Variants in PRPSAP2 observed in about 807,000 individuals in gnomAD.
PRPSAP2 encodes the protein phosphoribosyl pyrophosphate synthase-associated protein 2.
Under a neutral mutation model 40.6 loss-of-function variants are expected in PRPSAP2, and 24 were observed. That is an observed-to-expected ratio of 0.59 (90% CI 0.43 to 0.83). The LOEUF (loss-of-function observed/expected upper bound fraction) is 0.83, where lower values mean the gene tolerates loss of function less well. Among genes scored for constraint, PRPSAP2 ranks in the 40% least tolerant of loss-of-function variants. PRPSAP2 has a pLI of 0.00. For missense variants in PRPSAP2, 292 were observed against 465.6 expected (o/e 0.63, Z 3.43); for synonymous variants, 149 against 164.7 (o/e 0.90, Z 0.73).
chr17:18,896,236 A>G (rs2151932856), intron 8 of PRPSAP2, among the ~76,000 whole-genome samples: 1 of 152,192 alleles, frequency 6.6e-6, no homozygotes, highest in East Asian at 1.9e-4. Context: ...ACCCTGTGCC[A>G]ATTCTGTAAA....
intron 8 of PRPSAP2, among the ~76,000 whole-genome samples, chr17:18,895,597 CTT>C (rs2039866169): frequency 6.6e-6 from 1 of 151,004 alleles, no homozygotes; most frequent in African/African-American, 2.4e-5. Context: ...TTTAAAAAAA[CTT>C]ATTACTTTAT....
At chr17:18,893,314 A>G (rs2039697382) in intron 8 of PRPSAP2, among the ~76,000 whole-genome samples, 1 of 151,890 alleles carries the variant, frequency 6.6e-6, no homozygotes, top group South Asian at 2.1e-4. Context: ...ACACCCGGCT[A>G]ATTTTTTGTA....
intron 3 of PRPSAP2, among the ~76,000 whole-genome samples, chr17:18,866,461 G>A (rs1182688763): frequency 1.3e-5 from 2 of 152,144 alleles, no homozygotes; most frequent in Non-Finnish European, 2.9e-5. Flanking sequence ...CTACTTGGGA[G>A]GCTGAGGCAG....
At chr17:18,885,231 T>C (rs2039044431) in intron 7 of PRPSAP2, among the ~76,000 whole-genome samples, 1 of 151,714 alleles carries the variant, frequency 6.6e-6, no homozygotes, top group South Asian at 2.1e-4. Flanking sequence ...CAAAACCCTG[T>C]CTCTACAAAA....
At chr17:18,861,592 A>G (rs886849074) in intron 1 of PRPSAP2, 1 of 152,146 alleles carries the variant, frequency 6.6e-6, no homozygotes, top group Non-Finnish European at 1.5e-5. Context: ...AGTCCACTCC[A>G]CCATGTCATT....
rs60559123 is a variant in PRPSAP2 at position 18,929,358 on chromosome 17, AAAT to A, written c.951+432_951+434del. On this transcript the variant is annotated intron_variant, in intron 11 of 11. Coordinates refer to ENST00000268835, the MANE Select transcript of PRPSAP2 (RefSeq NM_002767.4). ...GGTGACAGAATGAGACTCTTGTCTCAAATAATAATAATAATAATAATAATAATA... is the reference window on the plus strand; with the variant it reads ...GGTGACAGAATGAGACTCTTGTCTCAAATAATAATAATAATAATAATAATA... Among the ~76,000 whole-genome samples, 907 of 144,734 alleles carry A rather than the reference AAAT, an allele frequency of 6.3e-3. 5 individuals are homozygous for A. The highest frequency in any genetic ancestry group is 0.02 in the African/African-American group (790 of 39,128). 95.0% of individuals were successfully genotyped at this position (144,734 alleles called of 152,430 possible). A position where few individuals can be genotyped will look rare whatever the true frequency, so the allele number is the denominator to read the frequency against.
At chr17:18,867,855 G>A (rs11653729) in intron 4 of PRPSAP2, among the ~76,000 whole-genome samples, 11,710 of 152,210 alleles carry the variant, frequency 0.077, 544 homozygotes, top group Middle Eastern at 0.14. Context: ...ACCTTTGTAG[G>A]TCCAGGTGTG....
intron 1 of PRPSAP2, chr17:18,859,338 A>G (rs1316338942): frequency 3.3e-5 from 5 of 152,254 alleles, no homozygotes; most frequent in African/African-American, 1.2e-4. Flanking sequence ...CTCTGTATGC[A>G]GAATTCAGCG....
intron 6 of PRPSAP2, among the ~76,000 whole-genome samples, chr17:18,880,446 T>G (rs1174869529): frequency 6.6e-6 from 1 of 152,140 alleles, no homozygotes; most frequent in Non-Finnish European, 1.5e-5. Flanking sequence ...TTGCCCGGGC[T>G]GGGGTGCAGT....
intron 1 of PRPSAP2, among the ~76,000 whole-genome samples, chr17:18,862,662 T>C (rs771272935): frequency 2.0e-5 from 3 of 152,168 alleles, no homozygotes; most frequent in Non-Finnish European, 2.9e-5. Flanking sequence ...AGATAACTTA[T>C]GCAAGTCCTC....
At chr17:18,870,266 GC>G (rs2037764635) in intron 4 of PRPSAP2, among the ~76,000 whole-genome samples, 1 of 152,088 alleles carries the variant, frequency 6.6e-6, no homozygotes, top group South Asian at 2.1e-4. Context: ...GGGTGCGGTG[GC>G]TCACTCCTGT....
At chr17:18,870,699 C>T (rs920417886) in intron 4 of PRPSAP2, among the ~76,000 whole-genome samples, 2 of 151,544 alleles carry the variant, frequency 1.3e-5, no homozygotes, top group Non-Finnish European at 2.9e-5. Context: ...ATCCTAGCTA[C>T]TTGGGAGGCT....
intron 8 of PRPSAP2, among the ~76,000 whole-genome samples, chr17:18,899,063 C>A (rs1293378891): frequency 6.6e-6 from 1 of 152,094 alleles, no homozygotes; most frequent in African/African-American, 2.4e-5. Context: ...CACCACCACG[C>A]CCAGCTACTT....
intron 10 of PRPSAP2, among the ~76,000 whole-genome samples, chr17:18,925,841 G>C (rs1471598339): frequency 6.6e-6 from 1 of 152,182 alleles, no homozygotes; most frequent in African/African-American, 2.4e-5. Flanking sequence ...GCCGGGCACG[G>C]TGGCTCACTT....
At chr17:18,890,549 C>T (rs1347242908) in intron 8 of PRPSAP2, among the ~76,000 whole-genome samples, 3 of 152,028 alleles carry the variant, frequency 2.0e-5, no homozygotes, top group Non-Finnish European at 2.9e-5. Flanking sequence ...CTCAAACGAT[C>T]CACCCACCCG....
chr17:18,910,710 T>C (rs2040909852), intron 8 of PRPSAP2, among the ~76,000 whole-genome samples: 1 of 152,210 alleles, frequency 6.6e-6, no homozygotes, highest in East Asian at 1.9e-4. Flanking sequence ...ATTAAGAAAT[T>C]TGTGCTTAAT....
At chr17:18,877,618 A>G in intron 5 of PRPSAP2, 80 bp from the exon 6 acceptor site, 1 of 1,368,608 alleles carries the variant, frequency 7.3e-7, no homozygotes, top group African/African-American at 1.5e-5. Context: ...AGGCATGAGT[A>G]ACACACTGCT....
At chr17:18,883,675 C>T (rs985523838) in intron 7 of PRPSAP2, among the ~76,000 whole-genome samples, 2 of 151,926 alleles carry the variant, frequency 1.3e-5, no homozygotes, top group Non-Finnish European at 2.9e-5. Flanking sequence ...CATGAGCCAC[C>T]GCACCTGGCC....
intron 4 of PRPSAP2, among the ~76,000 whole-genome samples, chr17:18,868,848 G>C (rs988106220): frequency 3.3e-5 from 5 of 151,600 alleles, no homozygotes; most frequent in Non-Finnish European, 7.4e-5. Context: ...TGAGCCACCA[G>C]GCCTGGCCCC....
Sources: allele counts gnomAD v4.1 joint callset (sites outside exome capture counted in the v4.1 genomes callset), GRCh38; gene constraint gnomAD v4.1.1; transcripts MANE v1.5; gene names NCBI Gene and HGNC (gene_info 2026-07-23, HGNC 2026-07-21).